Variants in KCNH7 observed in about 807,000 individuals in gnomAD.
KCNH7 encodes potassium voltage-gated channel subfamily H member 7, also known as voltage-gated inwardly rectifying potassium channel KCNH7.
A neutral mutation model predicts 120.8 loss-of-function variants in KCNH7; 49 were observed. The ratio of observed to expected loss-of-function variants is 0.41; its 90% CI spans 0.32 to 0.51. KCNH7 has a LOEUF of 0.51. KCNH7 is among the 20% of genes least tolerant of loss of function. The probability of loss-of-function intolerance (pLI) is 0.38; values close to 1 mark genes in which losing one functional copy is unlikely to be tolerated. For missense variants in KCNH7, 1,097 were observed against 1,446.6 expected (o/e 0.76, Z 3.92); for synonymous variants, 547 against 516.1 (o/e 1.06, Z -0.81).
At chr2:162,557,927 C>A (rs1692914738) in intron 2 of KCNH7, among the ~76,000 whole-genome samples, 1 of 152,028 alleles carries the variant, frequency 6.6e-6, no homozygotes, top group African/African-American at 2.4e-5. Flanking sequence ...GACAAGTTTG[C>A]TGATAATTTC....
intron 2 of KCNH7, among the ~76,000 whole-genome samples, chr2:162,822,873 A>AAG (rs1232729519): frequency 6.6e-6 from 1 of 152,208 alleles, no homozygotes; most frequent in Non-Finnish European, 1.5e-5. Flanking sequence ...TCAAAGGCAC[A>AAG]AGCCCGCACT....
intron 3 of KCNH7, 75 bp from the exon 4 acceptor site, chr2:162,518,233 C>T (rs1691386667): frequency 1.8e-6 from 2 of 1,100,962 alleles, no homozygotes; most frequent in African/African-American, 1.6e-5. Flanking sequence ...ACATTGTTGA[C>T]TCATATTTAA....
intron 2 of KCNH7, among the ~76,000 whole-genome samples, chr2:162,662,207 G>A (rs1450465378): frequency 6.6e-6 from 1 of 152,098 alleles, no homozygotes; most frequent in Non-Finnish European, 1.5e-5. Flanking sequence ...AGGTTGCAGT[G>A]AGCCACAATC....
At chr2:162,713,697 A>C (rs527920005) in intron 2 of KCNH7, among the ~76,000 whole-genome samples, 1 of 152,264 alleles carries the variant, frequency 6.6e-6, no homozygotes, top group South Asian at 2.1e-4. Flanking sequence ...CATCTTATGA[A>C]CCACACATAT....
At chr2:162,688,600 T>C (rs182366761) in intron 2 of KCNH7, among the ~76,000 whole-genome samples, 156 of 152,266 alleles carry the variant, frequency 1.0e-3, no homozygotes, top group African/African-American at 3.7e-3. Context: ...ACACTGAACT[T>C]TGTCCTCGAT....
chr2:162,556,143 C>T (rs1438071415), intron 2 of KCNH7, among the ~76,000 whole-genome samples: 1 of 151,916 alleles, frequency 6.6e-6, no homozygotes, highest in Admixed American at 6.6e-5. Flanking sequence ...ATGACACACA[C>T]ACATATATAT....
chr2:162,667,312 T>C (rs1685172452), intron 2 of KCNH7, among the ~76,000 whole-genome samples: 1 of 152,110 alleles, frequency 6.6e-6, no homozygotes, highest in Non-Finnish European at 1.5e-5. Context: ...TGAGCCACCA[T>C]GCCCGGACTC....
intron 2 of KCNH7, among the ~76,000 whole-genome samples, chr2:162,729,162 A>ATTTTTTTTTTT (rs1412794660): frequency 8.3e-6 from 1 of 119,880 alleles, no homozygotes; most frequent in Non-Finnish European, 1.7e-5. Flanking sequence ...ATATACCCAA[A>ATTTTTTTTTTT]TTTTTTTTTT....
intron 6 of KCNH7, among the ~76,000 whole-genome samples, chr2:162,484,310 C>G (rs759205762): frequency 6.6e-6 from 1 of 151,758 alleles, no homozygotes; most frequent in Non-Finnish European, 1.5e-5. Context: ...TAAAATGAAG[C>G]GAGTTCGTTG....
At chr2:162,436,980 G>C (rs1413576901) in intron 7 of KCNH7, among the ~76,000 whole-genome samples, 2 of 151,886 alleles carry the variant, frequency 1.3e-5, no homozygotes, top group Non-Finnish European at 2.9e-5. Context: ...AAATTAGCTG[G>C]GTATGGTGGT....
intron 2 of KCNH7, among the ~76,000 whole-genome samples, chr2:162,758,051 C>T (rs1036411764): frequency 2.6e-5 from 4 of 152,090 alleles, no homozygotes; most frequent in South Asian, 2.1e-4. Flanking sequence ...CACTGGTTAC[C>T]GGGAGAAAAG....
rs141491662 is a variant in KCNH7 at position 162,512,401 on chromosome 2, TA to T, written c.913+252del. 5.3e-3 allele frequency among the ~76,000 whole-genome samples: 804 copies of T among 151,966 alleles called. 12 individuals are homozygous for T. The highest frequency in any genetic ancestry group is 0.018 in the African/African-American group (761 of 41,544). ...TGTTTTTCCAAGTGATTTAAATATT[TA>T]GGAAGTATTCATTGTCAACCTAGGC... On this transcript the variant is annotated intron_variant, in intron 5 of 15. Coordinates refer to ENST00000332142, the MANE Select transcript of KCNH7 (RefSeq NM_033272.4).
intron 2 of KCNH7, among the ~76,000 whole-genome samples, chr2:162,555,268 C>T (rs573013048): frequency 2.0e-5 from 3 of 152,308 alleles, no homozygotes; most frequent in South Asian, 4.1e-4. Flanking sequence ...TCCTCTCCCC[C>T]ATCAAGACAA....
intron 7 of KCNH7, among the ~76,000 whole-genome samples, chr2:162,442,007 T>C (rs1223385574): frequency 0.01 from 912 of 89,618 alleles, 42 homozygotes; most frequent in Admixed American, 0.079. Flanking sequence ...TTCTTTTTTT[T>C]TTTTTTTTTT....
intron 2 of KCNH7, among the ~76,000 whole-genome samples, chr2:162,734,383 A>T (rs1234349395): frequency 6.6e-6 from 1 of 152,164 alleles, no homozygotes; most frequent in Non-Finnish European, 1.5e-5. Context: ...TTTTTATAAC[A>T]ATTTTTAATG....
chr2:162,561,065 T>A (rs1012066399), intron 2 of KCNH7, among the ~76,000 whole-genome samples: 6 of 145,586 alleles, frequency 4.1e-5, no homozygotes, highest in Non-Finnish European at 9.0e-5. Flanking sequence ...TTTTTTTTTT[T>A]ACTATCTGGA....
chr2:162,637,160 C>T (rs1011129063), intron 2 of KCNH7, among the ~76,000 whole-genome samples: 5 of 152,078 alleles, frequency 3.3e-5, no homozygotes, highest in African/African-American at 1.2e-4. Context: ...TGCCATTTTC[C>T]ATGTTAATGG....
intron 2 of KCNH7, among the ~76,000 whole-genome samples, chr2:162,707,394 A>C (rs1024481069): frequency 6.6e-6 from 1 of 152,116 alleles, no homozygotes; most frequent in African/African-American, 2.4e-5. Flanking sequence ...GAGGATACGA[A>C]CTAGATAGTT....
intron 2 of KCNH7, among the ~76,000 whole-genome samples, chr2:162,641,795 T>C (rs970640657): frequency 2.6e-5 from 4 of 152,202 alleles, no homozygotes; most frequent in Admixed American, 2.6e-4. Flanking sequence ...AAACTAGTTT[T>C]GCAAAATGTT....
Sources: gnomAD v4.1 joint callset for allele counts (sites outside exome capture counted in the v4.1 genomes callset) on GRCh38, gnomAD v4.1.1 for gene constraint, MANE v1.5 for transcripts, NCBI Gene and HGNC (gene_info 2026-07-23, HGNC 2026-07-21) for gene names.